Variants in SPIRE1 observed in about 807,000 individuals in gnomAD.
The protein encoded by SPIRE1 is protein spire homolog 1.
Under a neutral mutation model 94.1 loss-of-function variants are expected in SPIRE1, and 40 were observed. The observed-to-expected ratio is 0.43, with a 90% CI of 0.33 to 0.55. The LOEUF (loss-of-function observed/expected upper bound fraction) is 0.55. SPIRE1 is among the 20% of genes least tolerant of loss of function. The probability of loss-of-function intolerance (pLI) is 0.06; values close to 1 mark genes in which losing one functional copy is unlikely to be tolerated. For missense variants in SPIRE1, 838 were observed against 975.2 expected (o/e 0.86, Z 1.87); for synonymous variants, 376 against 371.7 (o/e 1.01, Z -0.13).
intron 1 of SPIRE1, among the ~76,000 whole-genome samples, chr18:12,651,990 ATTCT>A (rs1378389113): frequency 6.6e-6 from 1 of 152,220 alleles, no homozygotes; most frequent in Admixed American, 6.5e-5. Flanking sequence ...TTTTTAAACG[ATTCT>A]TTATACATCT....
intron 2 of SPIRE1, among the ~76,000 whole-genome samples, chr18:12,598,391 T>C (rs1411657463): frequency 6.6e-6 from 1 of 152,118 alleles, no homozygotes; most frequent in East Asian, 1.9e-4. Context: ...TATACTTCTA[T>C]AACAACTGGC....
intron 6 of SPIRE1, among the ~76,000 whole-genome samples, chr18:12,503,543 G>A (rs567159815): frequency 6.6e-6 from 1 of 152,214 alleles, no homozygotes; most frequent in South Asian, 2.1e-4. Flanking sequence ...TCTAATGATG[G>A]CGAGTTGTTT....
intron 10 of SPIRE1, 147 bp from the exon 11 acceptor site, chr18:12,465,105 G>A (rs1303504874): frequency 3.0e-6 from 2 of 667,270 alleles, no homozygotes; most frequent in Non-Finnish European, 5.2e-6. Context: ...AAACTAGAAG[G>A]GGTTTCAAAC....
chr18:12,564,964 A>C (rs891016340), intron 2 of SPIRE1, among the ~76,000 whole-genome samples: 4 of 152,192 alleles, frequency 2.6e-5, no homozygotes, highest in Non-Finnish European at 5.9e-5. Flanking sequence ...GTGTAATAGG[A>C]ATAACAAAAG....
At chr18:12,551,946 T>C (rs2035362300) in intron 2 of SPIRE1, among the ~76,000 whole-genome samples, 1 of 152,082 alleles carries the variant, frequency 6.6e-6, no homozygotes, top group Non-Finnish European at 1.5e-5. Flanking sequence ...GCAGTGGCCA[T>C]GGGCCGCAGA....
At chr18:12,462,002 A>C (rs939776271) in intron 12 of SPIRE1, among the ~76,000 whole-genome samples, 1 of 152,204 alleles carries the variant, frequency 6.6e-6, no homozygotes, top group Non-Finnish European at 1.5e-5. Flanking sequence ...ATTCACATGA[A>C]AACAAATTTT....
At chr18:12,572,825 T>C (rs2035990915) in intron 2 of SPIRE1, among the ~76,000 whole-genome samples, 2 of 152,136 alleles carry the variant, frequency 1.3e-5, no homozygotes, top group African/African-American at 4.8e-5. Context: ...AACAACTGTA[T>C]ATGAACAAGT....
chr18:12,550,080 C>T (rs1010576235), intron 2 of SPIRE1, among the ~76,000 whole-genome samples: 1 of 152,162 alleles, frequency 6.6e-6, no homozygotes, highest in African/African-American at 2.4e-5. Flanking sequence ...TGATAGGAAT[C>T]TCTACTTATT....
chr18:12,626,609 G>A (rs1384822093), intron 2 of SPIRE1, among the ~76,000 whole-genome samples: 2 of 152,000 alleles, frequency 1.3e-5, no homozygotes, highest in Non-Finnish European at 2.9e-5. Context: ...TCCAAATAAG[G>A]CACTAAATTA....
intron 4 of SPIRE1, among the ~76,000 whole-genome samples, chr18:12,532,979 T>C (rs563027963): frequency 1.3e-5 from 2 of 151,964 alleles, no homozygotes; most frequent in African/African-American, 2.4e-5. Flanking sequence ...AACAGGGAGA[T>C]GTAGAGGAGA....
chr18:12,590,555 C>T (rs2036505426), intron 2 of SPIRE1, among the ~76,000 whole-genome samples: 1 of 152,086 alleles, frequency 6.6e-6, no homozygotes, highest in African/African-American at 2.4e-5. Context: ...AGTATTGGGC[C>T]ACAATAGACT....
chr18:12,619,480 C>G (rs952689865), intron 2 of SPIRE1, among the ~76,000 whole-genome samples: 2 of 151,962 alleles, frequency 1.3e-5, no homozygotes, highest in Non-Finnish European at 2.9e-5. Context: ...TGAACTCCAG[C>G]CTGGGCGATA....
At chr18:12,456,149 CT>C (rs1176635625) in intron 12 of SPIRE1, among the ~76,000 whole-genome samples, 1 of 152,166 alleles carries the variant, frequency 6.6e-6, no homozygotes, top group Admixed American at 6.5e-5. Flanking sequence ...ATATCATTTG[CT>C]CTAAAATGCC....
At chr18:12,457,324 A>G (rs1207647822) in intron 12 of SPIRE1, among the ~76,000 whole-genome samples, 3 of 152,272 alleles carry the variant, frequency 2.0e-5, no homozygotes, top group Non-Finnish European at 4.4e-5. Flanking sequence ...TTACTAAAAT[A>G]GTTTTAATTA....
At chr18:12,641,353 C>A (rs2038078537) in intron 1 of SPIRE1, among the ~76,000 whole-genome samples, 1 of 150,686 alleles carries the variant, frequency 6.6e-6, no homozygotes, top group Non-Finnish European at 1.5e-5. Flanking sequence ...ACAGCCTAAT[C>A]ATACCCGAAT....
At chr18:12,625,545 CTTG>C (rs2037597700) in intron 2 of SPIRE1, among the ~76,000 whole-genome samples, 1 of 152,278 alleles carries the variant, frequency 6.6e-6, no homozygotes, top group African/African-American at 2.4e-5. Context: ...TAATAATTGC[CTTG>C]TTGTTTCTAC....
Position 12,566,037 on chromosome 18 carries a change from A to C in SPIRE1, c.373-19133T>G, listed in dbSNP as rs984197072. Among the ~76,000 whole-genome samples the C allele has an allele frequency of 1.8e-4, 26 of 147,032 alleles. 1 individual carries two copies. Among genetic ancestry groups the C allele is most frequent in the African/African-American group, 6.0e-4 (24 of 39,864 alleles). On this transcript the variant is annotated intron_variant, in intron 2 of 16. Coordinates refer to ENST00000409402, the MANE Select transcript of SPIRE1 (RefSeq NM_001128626.2). The stretch of plus-strand genomic sequence containing the variant: ...GACAATACAAACAAACAAACAAACA[A>C]AAAAAAAAATTCTTTAGGCTGGGTG...
chr18:12,661,648 G>T (rs1477913103), upstream of SPIRE1, among the ~76,000 whole-genome samples: 1 of 150,084 alleles, frequency 6.7e-6, no homozygotes, highest in Non-Finnish European at 1.5e-5. Flanking sequence ...GGTGATGCAT[G>T]CCTGTAATCC....
intron 1 of SPIRE1, among the ~76,000 whole-genome samples, chr18:12,637,456 T>C (rs1394493053): frequency 6.6e-6 from 1 of 152,102 alleles, no homozygotes; most frequent in Non-Finnish European, 1.5e-5. Context: ...GTTTTTGTAG[T>C]ACGTTTCTTG....
Sources: allele counts gnomAD v4.1 joint callset (sites outside exome capture counted in the v4.1 genomes callset), GRCh38; gene constraint gnomAD v4.1.1; transcripts MANE v1.5; gene names NCBI Gene and HGNC (gene_info 2026-07-23, HGNC 2026-07-21).